The following EHF variants were observed in gnomAD, a reference collection of about 807,000 sequenced individuals.
EHF encodes ETS homologous factor, also known as ESE3 transcription factor.
EHF carries 14 observed loss-of-function variants against 45.1 expected under a neutral mutation model. The observed-to-expected ratio is 0.31, with a 90% CI of 0.21 to 0.49. The LOEUF is 0.49. Among genes scored for constraint, EHF ranks in the 20% least tolerant of loss-of-function variants. The pLI, the probability that EHF is intolerant of heterozygous loss-of-function variation, is 0.99. For missense variants in EHF, 282 were observed against 371.4 expected (o/e 0.76, Z 1.98); for synonymous variants, 136 against 131.8 (o/e 1.03, Z -0.22).
intron 7 of EHF, among the ~76,000 whole-genome samples, chr11:34,658,257 T>G (rs1184100004): frequency 2.0e-5 from 3 of 152,214 alleles, no homozygotes; most frequent in African/African-American, 7.2e-5. Flanking sequence ...TTGCTTAGTC[T>G]TGGCTATGTC....
At position 34,655,305 on chromosome 11, in the gene EHF, G is replaced by A. The variant is rs538189318; in HGVS notation, c.545-1603G>A. 2.0e-5 allele frequency among the ~76,000 whole-genome samples: 3 copies of A among 152,276 alleles called. No individual in the cohort carries two copies. The East Asian group carries it at 5.8e-4, about 29-fold the overall frequency. On this transcript the variant is annotated intron_variant, in intron 6 of 8. Transcript: ENST00000257831. ...TGCTGGGAACACTGAGTCTTGATTA[G>A]CTGGGTGATAAGATGGTTGAAAGGG...
At chr11:34,654,501 G>C (rs900916256) in intron 6 of EHF, among the ~76,000 whole-genome samples, 1 of 152,144 alleles carries the variant, frequency 6.6e-6, no homozygotes, top group Non-Finnish European at 1.5e-5. Flanking sequence ...TTCTTCTTTT[G>C]CCTTTGACTG....
At chr11:34,632,946 G>A (rs1419311203) in intron 1 of EHF, among the ~76,000 whole-genome samples, 1 of 152,162 alleles carries the variant, frequency 6.6e-6, no homozygotes, top group Admixed American at 6.5e-5. Flanking sequence ...GCATTTCTTG[G>A]TAATAGTTTC....
intron 1 of EHF, among the ~76,000 whole-genome samples, chr11:34,639,122 A>C (rs1011297462): frequency 1.3e-5 from 2 of 152,164 alleles, no homozygotes; most frequent in Non-Finnish European, 2.9e-5. Flanking sequence ...CGAGAAATGG[A>C]GGCTCAGAAA....
At chr11:34,634,199 T>C (rs1159888400) in intron 1 of EHF, among the ~76,000 whole-genome samples, 4 of 151,430 alleles carry the variant, frequency 2.6e-5, no homozygotes, top group African/African-American at 9.7e-5. Context: ...GATTTTTTTT[T>C]CTCTTATTTG....
chr11:34,640,600 G>C (rs925243743), intron 1 of EHF, among the ~76,000 whole-genome samples: 3 of 152,158 alleles, frequency 2.0e-5, no homozygotes, highest in Non-Finnish European at 2.9e-5. Flanking sequence ...CTTTCGTCTT[G>C]AAGTTCCCAA....
At chr11:34,650,039 G>A (rs889191525) in intron 4 of EHF, among the ~76,000 whole-genome samples, 17 of 152,210 alleles carry the variant, frequency 1.1e-4, no homozygotes, top group African/African-American at 3.9e-4. Context: ...GAGGCCAGGG[G>A]ATGGGCCATC....
intron 2 of EHF, 44 bp from the exon 3 acceptor site, chr11:34,646,395 G>A (rs1172405720): frequency 5.6e-6 from 9 of 1,609,678 alleles, no homozygotes; most frequent in Non-Finnish European, 7.6e-6. Flanking sequence ...ACTATGGCCA[G>A]GAACAGCCAG....
rs184530559 is a variant in EHF, at chr11:34,642,145, A to G, written c.-3-483A>G. 951 of 159,752 alleles carry G rather than the reference A, an allele frequency of 6.0e-3. 7 individuals carry two copies. Among genetic ancestry groups the G allele is most frequent in the African/African-American group, 0.021 (891 of 41,592 alleles). The allele number at this position is 159,752 out of a possible 1,614,324, so 9.9% of individuals were successfully genotyped here. On this transcript the variant is annotated intron_variant, in intron 1 of 8. Transcript: ENST00000257831. Reference sequence around the variant, plus strand: ...CTGTGGCAGATACCCGCACTGAGGAAACTTGTTACTGGGTGTGCAGGTGCG... The same window carrying G: ...CTGTGGCAGATACCCGCACTGAGGAGACTTGTTACTGGGTGTGCAGGTGCG...
chr11:34,624,294 G>T, intron 1 of EHF: 1 of 985,388 alleles, frequency 1.0e-6, no homozygotes, highest in Non-Finnish European at 1.2e-6. Flanking sequence ...GAAACCGAAC[G>T]CGGCGCTGTG....
intron 1 of EHF, among the ~76,000 whole-genome samples, chr11:34,623,955 A>G (rs1010494490): frequency 2.0e-5 from 3 of 152,168 alleles, no homozygotes; most frequent in Non-Finnish European, 4.4e-5. Context: ...CTCCATATGG[A>G]GTCATCTCTA....
chr11:34,651,419 C>A, intron 4 of EHF, 123 bp from the exon 5 acceptor site: 2 of 748,050 alleles, frequency 2.7e-6, no homozygotes, highest in South Asian at 1.6e-5. Flanking sequence ...AATCATATCC[C>A]TTGTCTCTGA....
intron 3 of EHF, among the ~76,000 whole-genome samples, chr11:34,648,498 T>G (rs1854806126): frequency 6.6e-6 from 1 of 152,200 alleles, no homozygotes; most frequent in Non-Finnish European, 1.5e-5. Flanking sequence ...TATCCAGACA[T>G]ATCTCACAGA....
intron 6 of EHF, among the ~76,000 whole-genome samples, chr11:34,653,290 C>A (rs535737762): frequency 1.4e-4 from 21 of 152,256 alleles, no homozygotes; most frequent in African/African-American, 3.6e-4. Context: ...GGTCTTGAGG[C>A]ACCCGGGAAA....
intron 1 of EHF, among the ~76,000 whole-genome samples, chr11:34,637,694 A>G (rs1853580663): frequency 6.6e-6 from 1 of 152,134 alleles, no homozygotes; most frequent in African/African-American, 2.4e-5. Context: ...CTTCTCTTCA[A>G]ATAAAGAGTA....
At chr11:34,635,386 T>C (rs1853283895) in intron 1 of EHF, among the ~76,000 whole-genome samples, 1 of 150,932 alleles carries the variant, frequency 6.6e-6, no homozygotes, top group Non-Finnish European at 1.5e-5. Context: ...TCCCTGCCAG[T>C]GGCCCAGGGT....
Position 34,662,523 on chromosome 11 carries a change from G to T in EHF, c.*3592G>T, listed in dbSNP as rs1033437771. ...TGAATATGTTAATATGATGTAAATTGCTATTTAAGTGTAAAGCAGTTCTAA... is the reference window on the plus strand; with the variant it reads ...TGAATATGTTAATATGATGTAAATTTCTATTTAAGTGTAAAGCAGTTCTAA... On this transcript the variant is annotated 3_prime_UTR_variant, in exon 9 of 9. Transcript: ENST00000257831. 1.3e-5 allele frequency among the ~76,000 whole-genome samples: 2 copies of T among 152,064 alleles called. No homozygotes were observed. The highest frequency in any genetic ancestry group is 4.8e-5 in the African/African-American group (2 of 41,412).
chr11:34,647,496 T>A (rs775079869), intron 3 of EHF, among the ~76,000 whole-genome samples: 2 of 152,206 alleles, frequency 1.3e-5, no homozygotes, highest in East Asian at 3.8e-4. Context: ...GGCATAAGGT[T>A]CCCCTGATAG....
intron 1 of EHF, among the ~76,000 whole-genome samples, chr11:34,633,169 C>T (rs1853062157): frequency 6.6e-6 from 1 of 152,160 alleles, no homozygotes. Flanking sequence ...CTTCAGAACT[C>T]ATACTTTTGA....
Sources: allele counts gnomAD v4.1 joint callset (sites outside exome capture counted in the v4.1 genomes callset), GRCh38; gene constraint gnomAD v4.1.1; transcripts MANE v1.5; gene names NCBI Gene and HGNC (gene_info 2026-07-23, HGNC 2026-07-21).